COL5A1: variants seen among roughly 807,000 people sequenced by gnomAD.
COL5A1 encodes the protein collagen type V alpha 1 chain.
COL5A1 carries 16 observed loss-of-function variants against 263.7 expected under a neutral mutation model. The ratio of observed to expected loss-of-function variants is 0.06; its 90% confidence interval spans 0.04 to 0.09. The LOEUF is 0.09. Among genes scored for constraint, COL5A1 ranks in the 10% least tolerant of loss-of-function variants. The pLI is 1.00. For synonymous variants in COL5A1, 1,012 were observed against 1,004.5 expected, an observed-to-expected ratio of 1.01 and a Z score of -0.14; for missense variants, 2,036 against 2,540.5, an observed-to-expected ratio of 0.80 and a Z score of 4.27.
intron 4 of COL5A1, among the ~76,000 whole-genome samples, chr9:134,724,714 G>A (rs973893029): frequency 6.6e-6 from 1 of 152,190 alleles, no homozygotes; most frequent in Non-Finnish European, 1.5e-5. Context: ...GAAGTACACA[G>A]CGCAAAGCCA....
rs1403561575 is a variant in COL5A1 at position 134,843,341 on chromosome 9, T to C, written c.*1038T>C. On this transcript the variant is annotated 3_prime_UTR_variant, in exon 66 of 66. Transcript: ENST00000371817. ...TTTGTAGGTGATAACTCAATGAAAATTGGTGCTTATTTTTTACACTTCTCT... is the reference window on the plus strand; with the variant it reads ...TTTGTAGGTGATAACTCAATGAAAACTGGTGCTTATTTTTTACACTTCTCT... The C allele has an allele frequency of 1.3e-5, 2 of 152,232 alleles. No homozygotes were observed. The highest frequency in any genetic ancestry group is 2.9e-5 in the Non-Finnish European group (2 of 67,994). 9.4% of individuals were successfully genotyped at this position (152,232 alleles called of 1,614,324 possible).
At chr9:134,798,327 T>TCA (rs1311959725) in intron 36 of COL5A1, 81 bp from the exon 37 acceptor site, 10 of 1,286,770 alleles carry the variant, frequency 7.8e-6, no homozygotes, top group Admixed American at 6.8e-5. Flanking sequence ...GAAATAACGG[T>TCA]CACTCCACGT....
chr9:134,734,559 C>T (rs1835026991), intron 9 of COL5A1, among the ~76,000 whole-genome samples: 1 of 152,272 alleles, frequency 6.6e-6, no homozygotes, highest in Non-Finnish European at 1.5e-5. Context: ...CTGTTGTCTG[C>T]CCCACCTGAG....
chr9:134,824,573 C>T (rs138930882), intron 61 of COL5A1, 27 bp from the exon 62 acceptor site: 3 of 1,613,066 alleles, frequency 1.9e-6, no homozygotes, highest in African/African-American at 2.7e-5. Flanking sequence ...CTCCATCACC[C>T]ACCGCTGCTC....
At chr9:134,693,352 A>C (rs1005735370) in intron 2 of COL5A1, among the ~76,000 whole-genome samples, 1 of 152,210 alleles carries the variant, frequency 6.6e-6, no homozygotes, top group African/African-American at 2.4e-5. Context: ...CAAAAAAACC[A>C]ACACATAATC....
chr9:134,715,486 T>A (rs1001709700), intron 4 of COL5A1, among the ~76,000 whole-genome samples: 1 of 152,164 alleles, frequency 6.6e-6, no homozygotes, highest in Non-Finnish European at 1.5e-5. Flanking sequence ...GGTGTCAGTC[T>A]GGGGGATGGT....
intron 2 of COL5A1, among the ~76,000 whole-genome samples, chr9:134,698,163 C>T (rs1231303831): frequency 5.3e-5 from 8 of 152,370 alleles, no homozygotes; most frequent in South Asian, 2.1e-4. Flanking sequence ...CCAGTTCCTC[C>T]GTGAAACCTG....
intron 5 of COL5A1, 51 bp downstream of exon 5, chr9:134,727,448 A>G (rs757110656): frequency 1.2e-6 from 2 of 1,607,720 alleles, no homozygotes; most frequent in Non-Finnish European, 8.5e-7. Context: ...ACTACTTGGG[A>G]TGGTTGGTGA....
chr9:134,706,912 G>A (rs182831315), intron 4 of COL5A1, among the ~76,000 whole-genome samples: 47 of 152,328 alleles, frequency 3.1e-4, no homozygotes, highest in African/African-American at 1.0e-3. Context: ...ACCTGGACCC[G>A]CCTAGCCCCT....
At chr9:134,784,874 C>T (rs1837395425) in intron 29 of COL5A1, 115 bp from the exon 30 acceptor site, 2 of 850,968 alleles carry the variant, frequency 2.4e-6, no homozygotes, top group African/African-American at 1.7e-5. Flanking sequence ...GGTGGAGCAG[C>T]TCTGACCACA....
intron 1 of COL5A1, among the ~76,000 whole-genome samples, chr9:134,643,318 G>A (rs1235889589): frequency 1.3e-5 from 2 of 152,260 alleles, no homozygotes; most frequent in East Asian, 3.9e-4. Context: ...GAGGCTCAGA[G>A]CTGTGTGCTG....
intron 35 of COL5A1, 115 bp downstream of exon 35, chr9:134,796,533 A>C: frequency 1.8e-6 from 2 of 1,110,228 alleles, no homozygotes; most frequent in African/African-American, 1.6e-5. Flanking sequence ...GACCCTGCTG[A>C]AGGGTAGGGT....
At position 134,754,143 on chromosome 9, in the gene COL5A1, G is replaced by A. The variant is rs947501610; in HGVS notation, c.1774-130G>A. On this transcript the variant is annotated intron_variant, in intron 15 of 65. Coordinates refer to ENST00000371817, the MANE Select transcript of COL5A1 (RefSeq NM_000093.5). The surrounding 1 kb of genome is among the most constrained non-coding windows in gnomAD (Gnocchi z 4.3). ...GGCAGCAGATCCGTGTCCCGTCCCC[G>A]AAGTGCCCACATGTTTGTGGCTTGG... 81 of 999,612 alleles carry A rather than the reference G, an allele frequency of 8.1e-5. No individual in the cohort carries two copies. Among genetic ancestry groups the A allele is most frequent in the Middle Eastern group, 2.0e-4 (1 of 4,922 alleles). The allele number at this position is 999,612 out of a possible 1,614,324, so 61.9% of individuals were successfully genotyped here.
chr9:134,838,256 C>T (rs192045617), intron 65 of COL5A1, among the ~76,000 whole-genome samples: 1 of 152,192 alleles, frequency 6.6e-6, no homozygotes, highest in Non-Finnish European at 1.5e-5. Flanking sequence ...AGCCCCCTAC[C>T]GAGTGACGGC....
At chr9:134,722,721 A>G (rs138766237) in intron 4 of COL5A1, among the ~76,000 whole-genome samples, 1,844 of 152,356 alleles carry the variant, frequency 0.012, 17 homozygotes, top group South Asian at 0.025. Flanking sequence ...ATGTTGCTTA[A>G]TAAAAGTGTG....
At position 134,809,303 on chromosome 9, in the gene COL5A1, C is replaced by A; in HGVS notation, c.3474+13C>A. 1 of 1,590,036 alleles carries A rather than the reference C, an allele frequency of 6.3e-7. No individual in the cohort carries two copies. The highest frequency in any genetic ancestry group is 1.1e-5 in the South Asian group (1 of 88,750). On this transcript the variant is annotated intron_variant, in intron 43 of 65. Coordinates refer to ENST00000371817, the MANE Select transcript of COL5A1 (RefSeq NM_000093.5). ...AGACGGAGATAAGGTAAGGCAAATC[C>A]AGAGTGACCCATGGCTGGGCCTGGC...
At chr9:134,650,350 G>A (rs1400674312) in intron 1 of COL5A1, among the ~76,000 whole-genome samples, 1 of 152,030 alleles carries the variant, frequency 6.6e-6, no homozygotes, top group Non-Finnish European at 1.5e-5. Context: ...TGGCCTGGGG[G>A]ACCAGCACTC....
chr9:134,683,532 A>C (rs1031265457), intron 1 of COL5A1, among the ~76,000 whole-genome samples: 1 of 152,246 alleles, frequency 6.6e-6, no homozygotes, highest in Non-Finnish European at 1.5e-5. Context: ...AGCTTGATCC[A>C]GCTACTCAAA....
intron 42 of COL5A1, among the ~76,000 whole-genome samples, chr9:134,808,393 C>T (rs964018569): frequency 5.3e-5 from 8 of 152,136 alleles, no homozygotes; most frequent in African/African-American, 1.9e-4. Context: ...ACCAAGCAGG[C>T]AGTTAGGAGG....
Sources: gnomAD v4.1 joint callset for allele counts (sites outside exome capture counted in the v4.1 genomes callset) on GRCh38, gnomAD v4.1.1 for gene constraint, Gnocchi (gnomAD v3.1) non-coding constraint, MANE v1.5 for transcripts, NCBI Gene and HGNC (gene_info 2026-07-23, HGNC 2026-07-21) for gene names.